Variants in MSRB3 observed in about 807,000 individuals in gnomAD.
MSRB3 encodes the protein methionine-R-sulfoxide reductase B3.
MSRB3 carries 13 observed loss-of-function variants against 21.0 expected under a neutral mutation model. The observed-to-expected ratio is 0.62, with a 90% CI of 0.40 to 0.98. The LOEUF (loss-of-function observed/expected upper bound fraction) is 0.98. MSRB3 is among the 50% of genes least tolerant of loss of function. MSRB3 has a pLI of 0.00. For synonymous variants in MSRB3, 87 were observed against 88.6 expected (o/e 0.98, Z 0.10); for missense variants, 199 against 230.3 (o/e 0.86, Z 0.88).
intron 4 of MSRB3, among the ~76,000 whole-genome samples, chr12:65,358,956 C>T (rs1022734043): frequency 6.6e-6 from 1 of 151,768 alleles, no homozygotes; most frequent in African/African-American, 2.4e-5. Context: ...GTCACCCTGC[C>T]TTTTTTCTTT....
At chr12:65,450,675 C>G (rs575622473) in intron 5 of MSRB3, among the ~76,000 whole-genome samples, 1 of 152,250 alleles carries the variant, frequency 6.6e-6, no homozygotes, top group Admixed American at 6.5e-5. Flanking sequence ...TCTTTAATGT[C>G]AAAACTGACA....
intron 5 of MSRB3, among the ~76,000 whole-genome samples, chr12:65,446,825 C>A (rs1324940806): frequency 6.6e-6 from 1 of 152,132 alleles, no homozygotes; most frequent in Admixed American, 6.5e-5. Context: ...CGATGCCCAG[C>A]AGAATTACAA....
chr12:65,452,380 A>C (rs1882894954), intron 5 of MSRB3, among the ~76,000 whole-genome samples: 1 of 152,198 alleles, frequency 6.6e-6, no homozygotes, highest in African/African-American at 2.4e-5. Context: ...TTAACAAAGA[A>C]GAACCCCTAA....
At chr12:65,360,809 A>G (rs1312590506) in intron 4 of MSRB3, among the ~76,000 whole-genome samples, 1 of 152,134 alleles carries the variant, frequency 6.6e-6, no homozygotes, top group African/African-American at 2.4e-5. Context: ...TGCACTATGC[A>G]CTCAAGTGCA....
chr12:65,396,698 AAAAAAAAAAGAAAGAAAGAAAGAAAG>A (rs1338579175), intron 5 of MSRB3, among the ~76,000 whole-genome samples: 2,214 of 113,464 alleles, frequency 0.02, 110 homozygotes, highest in African/African-American at 0.068. Flanking sequence ...TCTCAAAAAA[AAAAAAAAAAGAAAGAAAGAAAGAAAG>A]AAAGAAAGAA....
chr12:65,297,426 A>T (rs1873042497), intron 1 of MSRB3, among the ~76,000 whole-genome samples: 1 of 152,204 alleles, frequency 6.6e-6, no homozygotes. Context: ...GAGATGGAGG[A>T]TATGGGTCAT....
intron 5 of MSRB3, among the ~76,000 whole-genome samples, chr12:65,372,926 G>A (rs536396923): frequency 6.6e-6 from 1 of 152,292 alleles, no homozygotes; most frequent in African/African-American, 2.4e-5. Context: ...AATAAGCTAG[G>A]CACCTTTGGA....
chr12:65,290,139 T>TAAC (rs1872592992), intron 1 of MSRB3, among the ~76,000 whole-genome samples: 1 of 152,128 alleles, frequency 6.6e-6, no homozygotes, highest in Admixed American at 6.5e-5. Context: ...TTAATAATAA[T>TAAC]AGTGATGATA....
intron 5 of MSRB3, among the ~76,000 whole-genome samples, chr12:65,371,363 A>G: frequency 6.6e-6 from 1 of 151,016 alleles, no homozygotes; most frequent in East Asian, 1.9e-4. Context: ...ATAAGGTAGC[A>G]TATTGGAACA....
At chr12:65,410,798 TC>T (rs1438657659) in intron 5 of MSRB3, among the ~76,000 whole-genome samples, 4 of 152,216 alleles carry the variant, frequency 2.6e-5, no homozygotes, top group African/African-American at 9.6e-5. Flanking sequence ...ATAATATCTG[TC>T]ATAATTTAGT....
At chr12:65,398,647 A>G (rs1240074662) in intron 5 of MSRB3, among the ~76,000 whole-genome samples, 2 of 152,026 alleles carry the variant, frequency 1.3e-5, no homozygotes, top group African/African-American at 4.8e-5. Context: ...TTTTGTTGCC[A>G]TTGCTTTTGG....
chr12:65,430,678 G>A (rs747840397), intron 5 of MSRB3, among the ~76,000 whole-genome samples: 14 of 151,922 alleles, frequency 9.2e-5, no homozygotes, highest in South Asian at 2.1e-4. Context: ...TTCTTATTAC[G>A]TTGGCATCTG....
intron 4 of MSRB3, among the ~76,000 whole-genome samples, chr12:65,361,165 A>G (rs1877676792): frequency 6.6e-6 from 1 of 152,100 alleles, no homozygotes; most frequent in African/African-American, 2.4e-5. Flanking sequence ...TTCACTTAGC[A>G]TCATTGTTTC....
intron 5 of MSRB3, among the ~76,000 whole-genome samples, chr12:65,403,190 G>A (rs1880226246): frequency 6.6e-6 from 1 of 152,220 alleles, no homozygotes. Context: ...TAAGTCTGCT[G>A]AAGCTGTGCC....
At chr12:65,311,031 A>G (rs1873954814) in intron 2 of MSRB3, among the ~76,000 whole-genome samples, 1 of 152,214 alleles carries the variant, frequency 6.6e-6, no homozygotes, top group South Asian at 2.1e-4. Context: ...CTGTATTAAT[A>G]TAGATTTATG....
At chr12:65,453,870 T>G in intron 6 of MSRB3, 45 bp downstream of exon 6, 1 of 1,494,086 alleles carries the variant, frequency 6.7e-7, no homozygotes. Context: ...CTTTCAGGAC[T>G]CCTGGTTGTG....
chr12:65,436,446 G>T (rs928254880), intron 5 of MSRB3, among the ~76,000 whole-genome samples: 13 of 151,612 alleles, frequency 8.6e-5, no homozygotes, highest in African/African-American at 3.1e-4. Context: ...AGTATTTAAA[G>T]ATCATTTTTC....
At position 65,369,018 on chromosome 12, in the gene MSRB3, C is replaced by A. The variant is rs1878174829; in HGVS notation, c.284C>A (p.Ser95Tyr). The stretch of plus-strand genomic sequence containing the variant: ...TGCAGGTCAGAAACCAAATTTGACT[C>A]CGGTTCAGGTATGTTTACATTAATA... ...PLFKSETKFD[S>Y]GSGWPSFHDV... is the part of the protein sequence containing the mutation. The change falls in exon 5 of 7, where the codon TCC becomes TAC. Residue 95 changes from serine to tyrosine, a missense_variant. Physicochemically the swap from Ser to Tyr is moderately radical, Grantham distance 144. Coordinates refer to ENST00000308259, the MANE Select transcript of MSRB3 (RefSeq NM_001031679.3). The A allele has an allele frequency of 1.3e-6, 2 of 1,543,294 alleles. No individual in the cohort carries two copies. Among genetic ancestry groups the A allele is most frequent in the Non-Finnish European group, 8.8e-7 (1 of 1,132,530 alleles).
intron 4 of MSRB3, among the ~76,000 whole-genome samples, chr12:65,352,120 C>G (rs572074200): frequency 6.6e-6 from 1 of 152,236 alleles, no homozygotes; most frequent in African/African-American, 2.4e-5. Flanking sequence ...CCACCATGAT[C>G]AAGTGGGCTT....
Sources: gnomAD v4.1 joint callset for allele counts (sites outside exome capture counted in the v4.1 genomes callset) on GRCh38, gnomAD v4.1.1 for gene constraint, MANE v1.5 for transcripts, NCBI Gene and HGNC (gene_info 2026-07-23, HGNC 2026-07-21) for gene names.